The following PTPRK variants were observed in gnomAD, a reference collection of about 807,000 sequenced individuals.
PTPRK encodes the protein protein tyrosine phosphatase receptor type K, also known as receptor-type tyrosine-protein phosphatase kappa.
PTPRK carries 75 observed loss-of-function variants against 178.0 expected under a neutral mutation model. The observed-to-expected ratio is 0.42, with a 90% confidence interval of 0.35 to 0.51. The LOEUF (loss-of-function observed/expected upper bound fraction) is 0.51, where lower values mean the gene tolerates loss of function less well. Ranked by LOEUF, PTPRK falls within the 20% of genes least tolerant of loss-of-function variation. The pLI is 0.02. For synonymous variants in PTPRK, 637 were observed against 620.6 expected (o/e 1.03, Z -0.39); for missense variants, 1,441 against 1,797.8 (o/e 0.80, Z 3.59).
At chr6:128,421,118 A>G (rs1293381753) in intron 1 of PTPRK, among the ~76,000 whole-genome samples, 1 of 152,188 alleles carries the variant, frequency 6.6e-6, no homozygotes, top group East Asian at 1.9e-4. Flanking sequence ...TGACAGATAT[A>G]TTTTTCCTAA....
At chr6:128,009,896 C>T (rs1454720822) in intron 13 of PTPRK, among the ~76,000 whole-genome samples, 1 of 151,122 alleles carries the variant, frequency 6.6e-6, no homozygotes, top group African/African-American at 2.4e-5. Flanking sequence ...TGGGAAACAA[C>T]TTTGAGAAGA....
intron 1 of PTPRK, among the ~76,000 whole-genome samples, chr6:128,402,053 T>C (rs991415704): frequency 6.6e-6 from 1 of 152,174 alleles, no homozygotes; most frequent in Admixed American, 6.5e-5. Flanking sequence ...CTATCTATGC[T>C]AATCAGAAAC....
At chr6:128,231,538 G>T (rs1812303486) in intron 5 of PTPRK, among the ~76,000 whole-genome samples, 1 of 152,198 alleles carries the variant, frequency 6.6e-6, no homozygotes, top group African/African-American at 2.4e-5. Flanking sequence ...AGCCAAGGTT[G>T]AAGGCACCAA....
chr6:128,477,131 A>C (rs1046660756), intron 1 of PTPRK, among the ~76,000 whole-genome samples: 2 of 152,124 alleles, frequency 1.3e-5, no homozygotes, highest in African/African-American at 2.4e-5. Context: ...AAAAAGTAAC[A>C]AATTTGTGGC....
intron 18 of PTPRK, among the ~76,000 whole-genome samples, chr6:127,994,943 T>C (rs1562399673): frequency 6.6e-6 from 1 of 151,948 alleles, no homozygotes; most frequent in Non-Finnish European, 1.5e-5. Context: ...GCTTCTCACA[T>C]ATGTTTAGGG....
Position 128,239,931 on chromosome 6 carries a change from G to GCA in PTPRK, c.693+102_693+103dup, listed in dbSNP as rs149959603. The GCA allele has an allele frequency of 1.6e-3, 1,166 of 731,166 alleles. 2 individuals are homozygous for GCA. The highest frequency in any genetic ancestry group is 0.012 in the South Asian group (602 of 50,902). The allele number at this position is 731,166 out of a possible 1,614,324, so 45.3% of individuals were successfully genotyped here. On this transcript the variant is annotated intron_variant, in intron 5 of 29. Transcript: ENST00000368226. ...TGTCCCACTACATGCGTGTGCACACGCACACACACACACACTCAAAAGGAT... is the reference window on the plus strand; with the variant it reads ...TGTCCCACTACATGCGTGTGCACACGCACACACACACACACACTCAAAAGGAT...
intron 7 of PTPRK, among the ~76,000 whole-genome samples, chr6:128,146,568 C>T (rs1485913800): frequency 1.3e-5 from 2 of 151,512 alleles, no homozygotes; most frequent in South Asian, 2.1e-4. Context: ...CTCAGCCTTC[C>T]GAGTAGCTGG....
At chr6:128,116,307 A>T (rs1167090776) in intron 7 of PTPRK, among the ~76,000 whole-genome samples, 2 of 152,118 alleles carry the variant, frequency 1.3e-5, no homozygotes, top group Non-Finnish European at 2.9e-5. Context: ...TTTTATCTAT[A>T]CTTAATATTT....
chr6:128,142,543 A>G (rs1221513656), intron 7 of PTPRK, among the ~76,000 whole-genome samples: 1 of 151,498 alleles, frequency 6.6e-6, no homozygotes, highest in Non-Finnish European at 1.5e-5. Context: ...TATATAAAAT[A>G]TATACATAAT....
intron 7 of PTPRK, among the ~76,000 whole-genome samples, chr6:128,090,413 G>T (rs1479915667): frequency 1.3e-5 from 2 of 152,114 alleles, no homozygotes; most frequent in Non-Finnish European, 2.9e-5. Flanking sequence ...AAGCTATGCT[G>T]TATACGAATT....
intron 7 of PTPRK, among the ~76,000 whole-genome samples, chr6:128,110,453 G>T (rs997382962): frequency 2.0e-5 from 3 of 152,052 alleles, no homozygotes. Context: ...AATGTGCAGA[G>T]GATATGCTCT....
At chr6:128,187,052 T>A (rs1313298513) in intron 6 of PTPRK, among the ~76,000 whole-genome samples, 1 of 152,102 alleles carries the variant, frequency 6.6e-6, no homozygotes. Flanking sequence ...ACAGTCACAA[T>A]ATGCCAAGTG....
intron 1 of PTPRK, among the ~76,000 whole-genome samples, chr6:128,462,493 T>C (rs573042303): frequency 6.6e-6 from 1 of 152,084 alleles, no homozygotes; most frequent in South Asian, 2.1e-4. Context: ...ACTACCCACA[T>C]TTTAATGGCT....
intron 2 of PTPRK, among the ~76,000 whole-genome samples, chr6:128,375,498 G>A (rs760372383): frequency 1.3e-5 from 2 of 151,930 alleles, no homozygotes; most frequent in South Asian, 2.1e-4. Context: ...ATCTCCCACT[G>A]GGTCCCTCCC....
intron 3 of PTPRK, among the ~76,000 whole-genome samples, chr6:128,297,533 C>G (rs1824697648): frequency 6.6e-6 from 1 of 152,164 alleles, no homozygotes; most frequent in African/African-American, 2.4e-5. Flanking sequence ...GTCTCTCAGA[C>G]CACAGTGCAA....
At chr6:128,253,245 A>C (rs575697424) in intron 3 of PTPRK, among the ~76,000 whole-genome samples, 1 of 152,372 alleles carries the variant, frequency 6.6e-6, no homozygotes, top group East Asian at 1.9e-4. Context: ...AGGCAATTAA[A>C]AGAGGAAAAT....
At chr6:128,067,189 A>C (rs1781934727) in intron 12 of PTPRK, among the ~76,000 whole-genome samples, 1 of 152,304 alleles carries the variant, frequency 6.6e-6, no homozygotes, top group Admixed American at 6.5e-5. Context: ...AAGACAGAAC[A>C]ATGCCTGATC....
At chr6:128,432,299 A>T (rs1003502336) in intron 1 of PTPRK, among the ~76,000 whole-genome samples, 2 of 152,228 alleles carry the variant, frequency 1.3e-5, no homozygotes, top group Non-Finnish European at 2.9e-5. Flanking sequence ...GATACAATTA[A>T]ATCTTTTAGG....
intron 11 of PTPRK, among the ~76,000 whole-genome samples, chr6:128,072,071 T>C (rs151114337): frequency 6.6e-6 from 1 of 152,020 alleles, no homozygotes; most frequent in Non-Finnish European, 1.5e-5. Context: ...GTGAGCTCAG[T>C]ACTTTAGTAA....
Sources: allele counts gnomAD v4.1 joint callset (sites outside exome capture counted in the v4.1 genomes callset), GRCh38; gene constraint gnomAD v4.1.1; transcripts MANE v1.5; gene names NCBI Gene and HGNC (gene_info 2026-07-23, HGNC 2026-07-21).